Variants in NEK4 observed in about 807,000 individuals in gnomAD.
NEK4 encodes NIMA related kinase 4.
A neutral mutation model predicts 98.4 loss-of-function variants in NEK4; 86 were observed. That is an observed-to-expected ratio of 0.87 (90% CI 0.73 to 1.05). The LOEUF is 1.05. NEK4 is among the 50% of genes least tolerant of loss of function. NEK4 has a pLI of 0.00. For synonymous variants in NEK4, 328 were observed against 342.2 expected (o/e 0.96, Z 0.46); for missense variants, 898 against 950.3 (o/e 0.94, Z 0.72).
intron 6 of NEK4, chr3:52,753,600 C>T: frequency 1.8e-6 from 1 of 570,930 alleles, no homozygotes; most frequent in Non-Finnish European, 3.5e-6. Context: ...GCAGGGGATG[C>T]AAAAACCAGT....
chr3:52,734,088 A>G (rs2097372517), intron 15 of NEK4, among the ~76,000 whole-genome samples: 2 of 152,172 alleles, frequency 1.3e-5, no homozygotes, highest in African/African-American at 4.8e-5. Context: ...GGCCAGGCAT[A>G]GTGGTTCACA....
intron 13 of NEK4, 70 bp downstream of exon 13, chr3:52,741,341 G>A (rs2097385714): frequency 2.2e-6 from 2 of 918,372 alleles, no homozygotes; most frequent in Middle Eastern, 2.1e-4. Flanking sequence ...AAATACTACT[G>A]AAAATGCACA....
At position 52,770,937 on chromosome 3, in the gene NEK4, T is replaced by C; in HGVS notation, c.-191A>G. ...CCATAGCGATCCGGGCCGGGAGCAG[T>C]TCTGCGCATGCTCCTGCGTCCCCAA... On this transcript the variant is annotated 5_prime_UTR_variant, in exon 1 of 16. Transcript: ENST00000233027. 4 of 596,934 alleles carry C rather than the reference T, an allele frequency of 6.7e-6. No individual in the cohort carries two copies. Among genetic ancestry groups the C allele is most frequent in the Non-Finnish European group, 1.2e-5 (4 of 338,586 alleles). 37.0% of individuals were successfully genotyped at this position (596,934 alleles called of 1,614,324 possible). A position where few individuals can be genotyped will look rare whatever the true frequency, so the allele number is the denominator to read the frequency against.
intron 15 of NEK4, among the ~76,000 whole-genome samples, chr3:52,726,968 CTTTTTT>C (rs35173917): frequency 7.2e-5 from 9 of 124,386 alleles, no homozygotes; most frequent in Admixed American, 4.3e-4. Flanking sequence ...GCATCTAAAA[CTTTTTT>C]TTTTTTTTTT....
Position 52,770,776 on chromosome 3 carries a change from C to G in NEK4, c.-30G>C. On this transcript the variant is annotated 5_prime_UTR_variant, in exon 1 of 16. Transcript: ENST00000233027. Reference sequence around the variant, plus strand: ...CCAGCGCTGGCCCAGAGTCGGGATGCGGCGGCAGCGGCGGGTAGGGCAGCG... The same window carrying G: ...CCAGCGCTGGCCCAGAGTCGGGATGGGGCGGCAGCGGCGGGTAGGGCAGCG... 1 of 1,532,250 alleles carries G rather than the reference C, an allele frequency of 6.5e-7. No homozygotes were observed. Among genetic ancestry groups the G allele is most frequent in the Non-Finnish European group, 8.8e-7 (1 of 1,134,448 alleles). 94.9% of individuals were successfully genotyped at this position (1,532,250 alleles called of 1,614,324 possible).
chr3:52,748,720 G>A lies in NEK4; in HGVS notation c.1506+972C>T, dbSNP rs751260023. On this transcript the variant is annotated intron_variant, in intron 8 of 15. Coordinates refer to ENST00000233027, the MANE Select transcript of NEK4 (RefSeq NM_003157.6). Reference sequence around the variant, plus strand: ...TGGATCTAATACCCACAGCCATATTGTATTACTATTTCAGGATTAGCTGAA... The same window carrying A: ...TGGATCTAATACCCACAGCCATATTATATTACTATTTCAGGATTAGCTGAA... Among the ~76,000 whole-genome samples, 45 of 152,132 alleles carry A rather than the reference G, an allele frequency of 3.0e-4. 1 individual carries two copies. Among genetic ancestry groups the A allele is most frequent in the Admixed American group, 1.2e-3 (18 of 15,260 alleles).
intron 1 of NEK4, 22 bp downstream of exon 1, chr3:52,770,632 G>C: frequency 7.1e-5 from 82 of 1,156,162 alleles, no homozygotes; most frequent in Non-Finnish European, 8.8e-5. Context: ...CCCGCCCCTT[G>C]CCGGGCCCCA....
intron 4 of NEK4, among the ~76,000 whole-genome samples, chr3:52,765,148 C>T (rs993529046): frequency 6.6e-6 from 1 of 151,824 alleles, no homozygotes; most frequent in Non-Finnish European, 1.5e-5. Flanking sequence ...GTAAGGAGTT[C>T]GAGACCATCC....
At position 52,741,448 on chromosome 3, in the gene NEK4, TTG is replaced by T. The variant is rs781397470; in HGVS notation, c.2054_2055del (p.Thr685LysfsTer4). The T allele has an allele frequency of 6.2e-7, 1 of 1,610,994 alleles. No individual in the cohort carries two copies. Among genetic ancestry groups the T allele is most frequent in the Non-Finnish European group, 8.5e-7 (1 of 1,177,218 alleles). On this transcript the variant is annotated frameshift_variant, in exon 13 of 16. Transcript: ENST00000233027. LOFTEE classifies it high-confidence loss of function. ...TCCCCATCTGACTTATCAGTTGAAC[TTG>T]TAGAAGAACTTAACTCATCCTCAGA... is the stretch of plus-strand genomic sequence containing the variant. Reference protein sequence around the residue: ...CLSEDELSSSTSSTDKSDGDY... With the variant: ...CLSEDELSSSXSSTDKSDGDY...
At chr3:52,736,874 C>T (rs1033530821) in intron 15 of NEK4, among the ~76,000 whole-genome samples, 1 of 152,138 alleles carries the variant, frequency 6.6e-6, no homozygotes, top group Admixed American at 6.5e-5. Context: ...TAACTGCTGG[C>T]ACTATAATTT....
chr3:52,744,512 C>T (rs2097392442), intron 10 of NEK4, among the ~76,000 whole-genome samples: 1 of 151,878 alleles, frequency 6.6e-6, no homozygotes, highest in Non-Finnish European at 1.5e-5. Context: ...GGTGAAACCC[C>T]GTCTCTACTA....
intron 15 of NEK4, among the ~76,000 whole-genome samples, chr3:52,720,005 A>G (rs2097358629): frequency 6.6e-6 from 1 of 152,208 alleles, no homozygotes; most frequent in Admixed American, 6.5e-5. Flanking sequence ...AAAAAAGTCC[A>G]GGCTTGGTGG....
At position 52,746,119 on chromosome 3, in the gene NEK4, C is replaced by G. The variant is rs140752930; in HGVS notation, c.1769G>C (p.Arg590Pro). ...TSTQKEAENQ[R>P]RVVTGSVSSS... ...GCTCACAGACCCAGTGACCACTCTA[C>G]GTTGGTTTTCAGCCTCTTTTTGTGT... Residue 590 changes from arginine (R) to proline (P), a missense_variant, in exon 10 of 16, where the codon CGT (arginine) becomes CCT (proline). Transcript: ENST00000233027. The G allele has an allele frequency of 6.2e-7, 1 of 1,614,134 alleles. No individual in the cohort carries two copies. The highest frequency in any genetic ancestry group is 1.7e-5 in the Admixed American group (1 of 60,016).
At chr3:52,762,534 T>G (rs1255121635) in intron 5 of NEK4, among the ~76,000 whole-genome samples, 1 of 152,186 alleles carries the variant, frequency 6.6e-6, no homozygotes, top group African/African-American at 2.4e-5. Flanking sequence ...ATTAAGCAAA[T>G]TTCAACATGT....
intron 15 of NEK4, among the ~76,000 whole-genome samples, chr3:52,723,436 G>T (rs1401367232): frequency 6.6e-6 from 1 of 151,968 alleles, no homozygotes; most frequent in African/African-American, 2.4e-5. Context: ...TGTAGACGGG[G>T]TTTTACCATG....
At chr3:52,757,508 C>A (rs899322258) in intron 6 of NEK4, among the ~76,000 whole-genome samples, 1 of 148,326 alleles carries the variant, frequency 6.7e-6, no homozygotes, top group East Asian at 2.0e-4. Flanking sequence ...CAGTGAGCCA[C>A]GATTGTGCCA....
At chr3:52,713,494 C>T (rs1561280274) in intron 15 of NEK4, among the ~76,000 whole-genome samples, 1 of 152,116 alleles carries the variant, frequency 6.6e-6, no homozygotes, top group Non-Finnish European at 1.5e-5. Flanking sequence ...GGCCCCTATT[C>T]CTCAAAAATG....
chr3:52,711,988 C>T (rs1410591053), intron 15 of NEK4, 119 bp from the exon 16 acceptor site: 7 of 565,296 alleles, frequency 1.2e-5, no homozygotes, highest in African/African-American at 3.8e-5. Flanking sequence ...CAGGAAAATA[C>T]TAATAGTTCA....
chr3:52,731,866 C>T (rs11714030), intron 15 of NEK4, among the ~76,000 whole-genome samples: 66,707 of 152,024 alleles, frequency 0.44, 14,832 homozygotes, highest in Admixed American at 0.52. Flanking sequence ...AGGGACCCGG[C>T]GGGAGGTAAG....
Sources: gnomAD v4.1 joint callset for allele counts (sites outside exome capture counted in the v4.1 genomes callset) on GRCh38, gnomAD v4.1.1 for gene constraint, MANE v1.5 for transcripts, NCBI Gene and HGNC (gene_info 2026-07-23, HGNC 2026-07-21) for gene names.